DNAH9: variants seen among roughly 807,000 people sequenced by gnomAD.
DNAH9 encodes the protein DNAH9 variant protein.
A neutral mutation model predicts 471.6 loss-of-function variants in DNAH9; 345 were observed. The ratio of observed to expected loss-of-function variants is 0.73; its 90% CI spans 0.67 to 0.80. The LOEUF (loss-of-function observed/expected upper bound fraction) is 0.80. DNAH9 is among the 30% of genes least tolerant of loss of function. The pLI is 0.00. For synonymous variants in DNAH9, 2,093 were observed against 2,123.6 expected, an observed-to-expected ratio of 0.99 and a Z score of 0.40; for missense variants, 5,407 against 5,609.2, an observed-to-expected ratio of 0.96 and a Z score of 1.15.
intron 10 of DNAH9, among the ~76,000 whole-genome samples, chr17:11,644,189 C>T (rs1343790143): frequency 6.6e-6 from 1 of 152,126 alleles, no homozygotes; most frequent in Non-Finnish European, 1.5e-5. Context: ...TCTTATGGGA[C>T]CGCAGTCACA....
In DNAH9 at chr17:11,679,749, T is replaced by C. The variant is rs751462860; in HGVS notation, c.3354-8T>C. ...AATGGTTCCTCATGTTCTGTTTGTGTTGATTAGCTTGGCCAACCTGGATGC... is the reference window on the plus strand; with the variant it reads ...AATGGTTCCTCATGTTCTGTTTGTGCTGATTAGCTTGGCCAACCTGGATGC... On this transcript the variant is annotated splice_region_variant and splice_polypyrimidine_tract_variant and intron_variant, in intron 17 of 68. Coordinates refer to ENST00000262442, the MANE Select transcript of DNAH9 (RefSeq NM_001372.4). 1.3e-6 allele frequency: 2 copies of C among 1,598,054 alleles called. No individual in the cohort carries two copies. The highest frequency in any genetic ancestry group is 1.1e-5 in the South Asian group (1 of 90,762).
rs753260194 is a variant in DNAH9 at position 11,617,572 on chromosome 17, G to T, written c.1066G>T (p.Gly356Ter). 5.6e-6 allele frequency: 9 copies of T among 1,614,122 alleles called. No individual in the cohort carries two copies. The highest frequency in any genetic ancestry group is 7.6e-6 in the Non-Finnish European group (9 of 1,180,036). Reference sequence around the variant, plus strand: ...CACATGCAAGTCCTACCGCTCCCCGGGAAGGCTGACTGTGCTGCTCCAGGA... The same window carrying T: ...CACATGCAAGTCCTACCGCTCCCCGTGAAGGCTGACTGTGCTGCTCCAGGA... ...WATCKSYRSP[G>*]RLTVLLQEIC... The change falls in exon 5 of 69, where the codon GGA (glycine) becomes TGA (stop). Residue 356 changes from glycine to a stop codon, truncating the protein, a stop_gained. Coordinates refer to ENST00000262442, the MANE Select transcript of DNAH9 (RefSeq NM_001372.4). LOFTEE classifies it high-confidence loss of function.
intron 17 of DNAH9, among the ~76,000 whole-genome samples, chr17:11,673,475 A>G (rs1433145714): frequency 6.6e-6 from 1 of 152,172 alleles, no homozygotes. Context: ...GCATGTGGGC[A>G]TATTGTCATA....
At chr17:11,774,863 T>C (rs1024652070) in intron 38 of DNAH9, among the ~76,000 whole-genome samples, 6 of 152,190 alleles carry the variant, frequency 3.9e-5, no homozygotes, top group Non-Finnish European at 5.9e-5. Context: ...AAAAACTATA[T>C]TGAGTTATAA....
chr17:11,611,347 C>A (rs76974075), intron 3 of DNAH9, among the ~76,000 whole-genome samples: 3,427 of 152,326 alleles, frequency 0.022, 46 homozygotes, highest in Non-Finnish European at 0.033. Flanking sequence ...TCCAATAACG[C>A]CTCTCTCACC....
chr17:11,645,922 C>T (rs551424162), intron 11 of DNAH9, among the ~76,000 whole-genome samples: 2 of 145,878 alleles, frequency 1.4e-5, no homozygotes, highest in African/African-American at 5.3e-5. Context: ...CTCTGTCGCC[C>T]AGATTGGAGT....
At chr17:11,701,025 CCCTTT>C in intron 23 of DNAH9, 92 bp from the exon 24 acceptor site, 15 of 1,343,310 alleles carry the variant, frequency 1.1e-5, no homozygotes, top group Non-Finnish European at 1.6e-5. Flanking sequence ...TGTGTGGGCT[CCCTTT>C]CCTTCACTCC....
intron 68 of DNAH9, 52 bp from the exon 69 acceptor site, chr17:11,969,248 G>A: frequency 6.6e-7 from 1 of 1,523,334 alleles, no homozygotes; most frequent in Non-Finnish European, 9.0e-7. Flanking sequence ...AAGGCTGGTT[G>A]GCTGGGCTCT....
intron 63 of DNAH9, among the ~76,000 whole-genome samples, chr17:11,930,592 CCAGCAG>C (rs1484105681): frequency 3.3e-5 from 5 of 152,082 alleles, no homozygotes; most frequent in East Asian, 3.9e-4. Flanking sequence ...GGCCCCTGGA[CCAGCAG>C]CATCAGCATC....
intron 25 of DNAH9, 133 bp downstream of exon 25, chr17:11,704,575 GCTC>G (rs1391401316): frequency 2.6e-5 from 20 of 755,600 alleles, no homozygotes; most frequent in Non-Finnish European, 4.1e-5. Context: ...CACAGTGGCT[GCTC>G]CTACTTTTTT....
chr17:11,724,081 CAAT>C (rs1161456933), intron 27 of DNAH9, among the ~76,000 whole-genome samples: 3 of 151,960 alleles, frequency 2.0e-5, no homozygotes, highest in African/African-American at 4.8e-5. Flanking sequence ...TAATATTTAT[CAAT>C]AATATCAATA....
At chr17:11,598,997 A>G (rs2072326587) in intron 1 of DNAH9, 82 bp downstream of exon 1, 2 of 542,540 alleles carry the variant, frequency 3.7e-6, no homozygotes, top group East Asian at 7.0e-5. Flanking sequence ...AGGCGGGGCC[A>G]GAGGGGGCGG....
chr17:11,633,550 A>G (rs2073106858), intron 8 of DNAH9, among the ~76,000 whole-genome samples: 1 of 152,230 alleles, frequency 6.6e-6, no homozygotes, highest in South Asian at 2.1e-4. Context: ...GGCAGGCTCC[A>G]TTAGCCATTG....
intron 62 of DNAH9, chr17:11,925,105 A>C: frequency 2.3e-6 from 1 of 437,582 alleles, no homozygotes. Flanking sequence ...TTAGAGCTCC[A>C]TTGCTACGTT....
chr17:11,844,598 A>T (rs1403532284), intron 49 of DNAH9, among the ~76,000 whole-genome samples: 1 of 151,972 alleles, frequency 6.6e-6, no homozygotes, highest in Non-Finnish European at 1.5e-5. Flanking sequence ...GTAGAGACGG[A>T]GTTTCACCAT....
Position 11,699,858 on chromosome 17 carries a change from G to T in DNAH9, c.5000G>T (p.Ser1667Ile). The change falls in exon 23 of 69, where the codon AGT becomes ATT. Residue 1667 changes from serine to isoleucine, a missense_variant. Around this residue, in one of 3 missense-constraint regions of DNAH9, gnomAD observed 4,636 missense variants for 4,900.3 expected, o/e 0.95. Coordinates refer to ENST00000262442, the MANE Select transcript of DNAH9 (RefSeq NM_001372.4). ...YSKEEEYVAF[S>I]EPCDCSGQVE... ...AAAGAAGAGGAGTATGTGGCTTTCA[G>T]TGAGCCCTGTGACTGCAGCGGGCAG... 1 of 1,614,172 alleles carries T rather than the reference G, an allele frequency of 6.2e-7. No homozygotes were observed. Among genetic ancestry groups the T allele is most frequent in the South Asian group, 1.1e-5 (1 of 91,074 alleles).
chr17:11,870,036 G>A (rs1418810130), intron 51 of DNAH9, among the ~76,000 whole-genome samples: 1 of 152,094 alleles, frequency 6.6e-6, no homozygotes, highest in Non-Finnish European at 1.5e-5. Context: ...CCCTTCCTCA[G>A]GGCATTTCCA....
chr17:11,878,964 T>G (rs926013936), intron 53 of DNAH9, among the ~76,000 whole-genome samples: 1 of 152,210 alleles, frequency 6.6e-6, no homozygotes, highest in Non-Finnish European at 1.5e-5. Flanking sequence ...ATTTTCCAAG[T>G]GGTTAGCTAT....
At position 11,617,441 on chromosome 17, in the gene DNAH9, A is replaced by C. The variant is rs769240943; in HGVS notation, c.935A>C (p.His312Pro). The change falls in exon 5 of 69, where the codon CAC becomes CCC. Residue 312 changes from histidine to proline, a missense_variant. His to Pro is a moderately conservative substitution (Grantham distance 77, BLOSUM62 -2). Transcript: ENST00000262442. ...GCAGAGGCACAGGACATCCATGTGC[A>C]CCTGATACCGCTCCAGCGCCACCTG... ...ALAEAQDIHV[H>P]LIPLQRHLEA... 1.4e-5 allele frequency: 22 copies of C among 1,614,006 alleles called. No homozygotes were observed. The highest frequency in any genetic ancestry group is 1.6e-4 in the Middle Eastern group (1 of 6,084).
Sources: gnomAD v4.1 joint callset for allele counts (sites outside exome capture counted in the v4.1 genomes callset) on GRCh38, gnomAD v4.1.1 for gene constraint, gnomAD v4.1.1 regional missense constraint, MANE v1.5 for transcripts, NCBI Gene and HGNC (gene_info 2026-07-23, HGNC 2026-07-21) for gene names.